Variants in UNC13D observed in about 807,000 individuals in gnomAD.
UNC13D encodes protein unc-13 homolog D.
In UNC13D, 115 loss-of-function variants were observed where a neutral mutation model predicts 151.7. That is an observed-to-expected ratio of 0.76 (90% CI 0.65 to 0.88). The LOEUF is 0.88. Ranked by LOEUF, UNC13D falls within the 40% of genes least tolerant of loss-of-function variation. The pLI is 0.00. For missense variants in UNC13D, 1,369 were observed against 1,438.7 expected, an observed-to-expected ratio of 0.95 and a Z score of 0.78; for synonymous variants, 588 against 612.2, an observed-to-expected ratio of 0.96 and a Z score of 0.58.
chr17:75,843,057 G>A lies in UNC13D; in HGVS notation c.278C>T (p.Pro93Leu). The change falls in exon 4 of 32, where the codon CCC becomes CTC. Residue 93 changes from proline (P) to leucine (L), a missense_variant. Around this residue, in one of 3 missense-constraint regions of UNC13D, gnomAD observed 550 missense variants for 609.0 expected, o/e 0.90. Coordinates refer to ENST00000207549, the MANE Select transcript of UNC13D (RefSeq NM_199242.3). ...RYLQEAFHVEPEEHQQTLQRV... is the reference protein window; with the variant it reads ...RYLQEAFHVELEEHQQTLQRV... ...CTGCAGTGTCTGCTGGTGCTCCTCG[G>A]GCTCCACGTGGAAGGCCTGGTGGGG... 1 of 1,609,118 alleles carries A rather than the reference G, an allele frequency of 6.2e-7. No individual in the cohort carries two copies. The highest frequency in any genetic ancestry group is 8.5e-7 in the Non-Finnish European group (1 of 1,178,834).
rs367598637 is a variant in UNC13D at position 75,844,365 on chromosome 17, G to A, written c.-28C>T. On this transcript the variant is annotated 5_prime_UTR_variant, in exon 1 of 32. Transcript: ENST00000207549. Reference sequence around the variant, plus strand: ...TGGCCTTCTCTGCCCTTCCCTGTCCGCTGGTGCTGGGTGAAGACAGCGAAG... The same window carrying A: ...TGGCCTTCTCTGCCCTTCCCTGTCCACTGGTGCTGGGTGAAGACAGCGAAG... 2.0e-5 allele frequency: 32 copies of A among 1,589,072 alleles called. No homozygotes were observed. Among genetic ancestry groups the A allele is most frequent in the South Asian group, 9.0e-5 (8 of 88,850 alleles).
intron 6 of UNC13D, 32 bp downstream of exon 6, chr17:75,842,401 G>T (rs1198314259): frequency 6.3e-7 from 1 of 1,599,304 alleles, no homozygotes; most frequent in South Asian, 1.1e-5. Context: ...GAAAGACCTG[G>T]ATAGAGTGGG....
At chr17:75,830,003 T>TGGGAGAAGAACGGGACC (rs2064858411) in intron 30 of UNC13D, 25 bp downstream of exon 30, 1 of 1,569,302 alleles carries the variant, frequency 6.4e-7, no homozygotes, top group African/African-American at 1.3e-5. Flanking sequence ...GGGGAGGGAC[T>TGGGAGAAGAACGGGACC]GGGAGAAGAA....
At chr17:75,844,025 C>T in intron 1 of UNC13D, 196 bp downstream of exon 1, 1 of 1,428,328 alleles carries the variant, frequency 7.0e-7, no homozygotes, top group Non-Finnish European at 9.2e-7. Context: ...GGCCTGAGGC[C>T]CACAGTGGCC....
At chr17:75,843,411 A>G in intron 2 of UNC13D, 73 bp downstream of exon 2, 1 of 1,575,696 alleles carries the variant, frequency 6.3e-7, no homozygotes, top group Non-Finnish European at 8.6e-7. Flanking sequence ...GCTTGCTGCC[A>G]TCAGCGTCGG....
chr17:75,835,962 C>T (rs771678900), intron 17 of UNC13D, 50 bp downstream of exon 17: 1 of 1,614,150 alleles, frequency 6.2e-7, no homozygotes, highest in Middle Eastern at 1.6e-4. Context: ...CCCCATGGTT[C>T]CGGCTCTGAG....
rs753762300 is a variant in UNC13D at position 75,831,361 on chromosome 17, C to T, written c.2448-13G>A. ...CAGGGTCAGGAGGCTGGGGCGGGGCCGGAGGGATGCGGACACAGCACGGCA... is the reference window on the plus strand; with the variant it reads ...CAGGGTCAGGAGGCTGGGGCGGGGCTGGAGGGATGCGGACACAGCACGGCA... On this transcript the variant is annotated splice_polypyrimidine_tract_variant and intron_variant, in intron 25 of 31. Coordinates refer to ENST00000207549, the MANE Select transcript of UNC13D (RefSeq NM_199242.3). The T allele has an allele frequency of 3.1e-6, 5 of 1,605,676 alleles. No homozygotes were observed. The highest frequency in any genetic ancestry group is 1.1e-5 in the South Asian group (1 of 90,960).
At chr17:75,835,949 G>A in intron 17 of UNC13D, 43 bp from the exon 18 acceptor site, 1 of 1,614,170 alleles carries the variant, frequency 6.2e-7, no homozygotes, top group Non-Finnish European at 8.5e-7. Context: ...CATACACCAG[G>A]GTCCCCATGG....
rs757409290 is a variant in UNC13D at position 75,833,020 on chromosome 17, A to G, written c.2393T>C (p.Leu798Pro). ...EDAILPLMKF[L>P]EVELCYMNTN... ...GTTCATGTAGCAAAGCTCCACCTCCAGGAACTTCATCAGGGGCAGAATGGC... is the reference window on the plus strand; with the variant it reads ...GTTCATGTAGCAAAGCTCCACCTCCGGGAACTTCATCAGGGGCAGAATGGC... The change falls in exon 25 of 32, where the codon CTG becomes CCG. Residue 798 changes from leucine to proline, a missense_variant. Leu to Pro is a moderately conservative substitution (Grantham distance 98, BLOSUM62 -3). Transcript: ENST00000207549. The surrounding 1 kb of genome is among the most constrained non-coding windows in gnomAD (Gnocchi z 4.0). 6.2e-7 allele frequency: 1 copy of G among 1,605,608 alleles called. No homozygotes were observed. Among genetic ancestry groups the G allele is most frequent in the Non-Finnish European group, 8.5e-7 (1 of 1,176,834 alleles).
Position 75,830,204 on chromosome 17 carries a change from C to A in UNC13D, c.2831-53G>T, listed in dbSNP as rs576805665. The A allele has an allele frequency of 2.8e-4, 445 of 1,567,678 alleles. No individual in the cohort carries two copies. In the African/African-American group the frequency reaches 5.6e-3, roughly 20 times the overall value. ...AGCTGAGGGTCTCCCAGGCACCCCA[C>A]CCCAGCAGCTATGCTCTGCTCAGCG... is the stretch of plus-strand genomic sequence containing the variant. On this transcript the variant is annotated intron_variant, in intron 29 of 31. Coordinates refer to ENST00000207549, the MANE Select transcript of UNC13D (RefSeq NM_199242.3).
At chr17:75,837,158 T>C (rs570463311) in intron 12 of UNC13D, among the ~76,000 whole-genome samples, 1 of 151,706 alleles carries the variant, frequency 6.6e-6, no homozygotes, top group South Asian at 2.1e-4. Context: ...CTGCGCCTCC[T>C]GGGTTCAAGC....
Position 75,827,545 on chromosome 17 carries a change from G to A in UNC13D, c.*420C>T, listed in dbSNP as rs1412169138. 1 of 1,534,212 alleles carries A rather than the reference G, an allele frequency of 6.5e-7. No individual in the cohort carries two copies. Among genetic ancestry groups the A allele is most frequent in the Non-Finnish European group, 8.7e-7 (1 of 1,145,892 alleles). On this transcript the variant is annotated 3_prime_UTR_variant, in exon 32 of 32. Transcript: ENST00000207549. ...GCAGGGTCCCCTCTCCCTTTTCCAG[G>A]AGACTCTGTGCCTGTAGCCCTGGTC...
chr17:75,834,297 G>A, intron 23 of UNC13D, 28 bp downstream of exon 23: 1 of 1,591,122 alleles, frequency 6.3e-7, no homozygotes, highest in Non-Finnish European at 8.5e-7. Context: ...GGGATGGGAT[G>A]GGGTGACTGT....
intron 20 of UNC13D, 29 bp downstream of exon 20, chr17:75,835,380 C>T: frequency 1.2e-6 from 2 of 1,606,580 alleles, no homozygotes; most frequent in South Asian, 1.1e-5. Flanking sequence ...AAACCGGGGC[C>T]CCGCCCCCTG....
Position 75,828,975 on chromosome 17 carries a change from G to A in UNC13D, c.2963C>T (p.Pro988Leu), listed in dbSNP as rs1458684382. 8 of 1,603,500 alleles carry A rather than the reference G, an allele frequency of 5.0e-6. No homozygotes were observed. The South Asian group carries it at 6.6e-5, about 13-fold the overall frequency. ...LFDETFEFLVPAEPCRKAGAC... is the reference protein window; with the variant it reads ...LFDETFEFLVLAEPCRKAGAC... The stretch of plus-strand genomic sequence containing the variant: ...CCCAGCCTTGCGGCACGGCTCAGCA[G>A]GCACCAGGCTGCGGGGAGAGTCAGG... The change falls in exon 31 of 32, where the codon CCT becomes CTT. Residue 988 changes from proline (P) to leucine (L), a missense_variant. Physicochemically the swap from Pro to Leu is moderately conservative, Grantham distance 98. Transcript: ENST00000207549.
Position 75,834,529 on chromosome 17 carries a change from C to T in UNC13D, c.2094G>A (p.Leu698=), listed in dbSNP as rs1180742786. ...QKDQGQAANM[L]CVVVNDMEQL... Reference sequence around the variant, plus strand: ...GCTCCATGTCATTCACCACCACACACAGCTGGGACAGAGATGCAGAGCTTC... The same window carrying T: ...GCTCCATGTCATTCACCACCACACATAGCTGGGACAGAGATGCAGAGCTTC... Residue 698 remains leucine (L), a splice_region_variant and synonymous_variant, in exon 23 of 32, where the codon CTG becomes CTA. Coordinates refer to ENST00000207549, the MANE Select transcript of UNC13D (RefSeq NM_199242.3). The T allele has an allele frequency of 6.3e-7, 1 of 1,594,440 alleles. No individual in the cohort carries two copies. Among genetic ancestry groups the T allele is most frequent in the Non-Finnish European group, 8.5e-7 (1 of 1,170,386 alleles).
At chr17:75,841,133 C>T in intron 6 of UNC13D, 132 bp from the exon 7 acceptor site, 1 of 569,270 alleles carries the variant, frequency 1.8e-6, no homozygotes, top group Non-Finnish European at 2.9e-6. Context: ...CCAGCCGCAT[C>T]CCTTTTTTTT....
intron 6 of UNC13D, 100 bp downstream of exon 6, chr17:75,842,333 T>C (rs1320792468): frequency 6.7e-6 from 10 of 1,492,394 alleles, no homozygotes; most frequent in Non-Finnish European, 7.2e-6. Context: ...CCAAACCCCC[T>C]CCCCTGAGCC....
intron 30 of UNC13D, 146 bp from the exon 31 acceptor site, chr17:75,829,129 G>T: frequency 9.8e-7 from 1 of 1,021,484 alleles, no homozygotes; most frequent in Non-Finnish European, 1.4e-6. Flanking sequence ...GCCATGTGGT[G>T]CAATGCCTGC....
Sources: allele counts gnomAD v4.1 joint callset (sites outside exome capture counted in the v4.1 genomes callset), GRCh38; gene constraint gnomAD v4.1.1; regional missense constraint gnomAD v4.1.1; non-coding constraint Gnocchi (gnomAD v3.1); transcripts MANE v1.5; gene names NCBI Gene and HGNC (gene_info 2026-07-23, HGNC 2026-07-21).